GCNT1: variants seen among roughly 807,000 people sequenced by gnomAD.
The protein encoded by GCNT1 is glucosaminyl (N-acetyl) transferase 1, also known as beta-1,3-galactosyl-O-glycosyl-glycoprotein beta-1,6-N-acetylglucosaminyltransferase.
In GCNT1, 16 loss-of-function variants were observed where a neutral mutation model predicts 26.2. The observed-to-expected ratio is 0.61, with a 90% CI of 0.41 to 0.93. The LOEUF is 0.93. GCNT1 is among the 40% of genes least tolerant of loss of function. The pLI is 0.00. For missense variants in GCNT1, 477 were observed against 526.7 expected (o/e 0.91, Z 0.92); for synonymous variants, 183 against 190.8 (o/e 0.96, Z 0.34).
intron 1 of GCNT1, among the ~76,000 whole-genome samples, chr9:76,426,408 A>C (rs1205426922): frequency 1.3e-5 from 2 of 152,078 alleles, no homozygotes; most frequent in Non-Finnish European, 2.9e-5. Context: ...TCTTCGCAAA[A>C]AATACAAAAA....
the GCNT1 span, among the ~76,000 whole-genome samples, chr9:76,411,478 G>T: frequency 2.0e-5 from 3 of 151,356 alleles, no homozygotes; most frequent in African/African-American, 7.3e-5. Flanking sequence ...ACACATGTAT[G>T]CCACCATGCC....
chr9:76,494,693 A>G (rs945682083), intron 2 of GCNT1, among the ~76,000 whole-genome samples: 1 of 152,146 alleles, frequency 6.6e-6, no homozygotes, highest in East Asian at 1.9e-4. Context: ...AGTGGTTTTT[A>G]TAATAGGGAC....
chr9:76,451,134 C>G (rs967236505), intron 1 of GCNT1, among the ~76,000 whole-genome samples: 36 of 152,292 alleles, frequency 2.4e-4, no homozygotes, highest in African/African-American at 7.5e-4. Context: ...TCTTTTATGT[C>G]TTCCTCATGT....
At chr9:76,493,466 G>A (rs496253) in intron 2 of GCNT1, among the ~76,000 whole-genome samples, 67,596 of 151,840 alleles carry the variant, frequency 0.45, 15,360 homozygotes, top group East Asian at 0.66. Flanking sequence ...ATACCTATCA[G>A]GATCATCTGA....
At chr9:76,497,706 A>G (rs73650238) in intron 2 of GCNT1, among the ~76,000 whole-genome samples, 3 of 152,116 alleles carry the variant, frequency 2.0e-5, no homozygotes, top group Non-Finnish European at 1.5e-5. Flanking sequence ...TGACCCTTTC[A>G]TGTACCCACA....
chr9:76,410,682 T>C, the GCNT1 span, among the ~76,000 whole-genome samples: 18 of 152,202 alleles, frequency 1.2e-4, no homozygotes, highest in Non-Finnish European at 2.2e-4. Context: ...TCTTGTTCCA[T>C]TTGAGTCTGA....
chr9:76,440,923 G>A (rs1162230422), upstream of GCNT1, among the ~76,000 whole-genome samples: 1 of 151,732 alleles, frequency 6.6e-6, no homozygotes, highest in African/African-American at 2.4e-5. Flanking sequence ...AATTAGCTGG[G>A]CATGGTGGTG....
chr9:76,425,263 C>T (rs1357458932), intron 1 of GCNT1, among the ~76,000 whole-genome samples: 1 of 151,916 alleles, frequency 6.6e-6, no homozygotes, highest in East Asian at 1.9e-4. Context: ...ACTCTTGTTG[C>T]CCAGGCTGGA....
At chr9:76,484,463 C>T (rs1220830745) in intron 2 of GCNT1, among the ~76,000 whole-genome samples, 1 of 151,274 alleles carries the variant, frequency 6.6e-6, no homozygotes, top group Non-Finnish European at 1.5e-5. Context: ...TAAGTAATTT[C>T]TTGTGAAAAT....
intron 2 of GCNT1, among the ~76,000 whole-genome samples, chr9:76,488,502 G>T (rs369271369): frequency 6.6e-6 from 1 of 151,818 alleles, no homozygotes; most frequent in African/African-American, 2.4e-5. Flanking sequence ...CTCTATTTTT[G>T]GAGCTGGAGT....
chr9:76,497,574 C>T (rs891249660), intron 2 of GCNT1, among the ~76,000 whole-genome samples: 3 of 152,272 alleles, frequency 2.0e-5, no homozygotes, highest in Admixed American at 6.5e-5. Context: ...TTGTAAAAAG[C>T]GTTTTTCAAA....
intron 2 of GCNT1, among the ~76,000 whole-genome samples, chr9:76,489,177 G>A (rs1010337511): frequency 6.6e-6 from 1 of 152,166 alleles, no homozygotes; most frequent in East Asian, 1.9e-4. Context: ...TATCTAGAGA[G>A]CACATTTTTC....
intron 2 of GCNT1, among the ~76,000 whole-genome samples, chr9:76,475,116 C>T (rs1824223857): frequency 6.6e-6 from 1 of 152,162 alleles, no homozygotes; most frequent in Non-Finnish European, 1.5e-5. Context: ...CTTTGAATAC[C>T]ACATCATCTC....
At chr9:76,435,219 G>A (rs998050284) in intron 1 of GCNT1, among the ~76,000 whole-genome samples, 6 of 152,060 alleles carry the variant, frequency 3.9e-5, no homozygotes, top group Non-Finnish European at 8.8e-5. Context: ...ATGAAAATTT[G>A]CTGGTTTTGC....
intron 2 of GCNT1, among the ~76,000 whole-genome samples, chr9:76,491,607 T>TA (rs1326245437): frequency 6.6e-6 from 1 of 152,242 alleles, no homozygotes; most frequent in Non-Finnish European, 1.5e-5. Context: ...CAAGTACTGT[T>TA]ACATCACTAA....
chr9:76,456,151 A>G (rs1247833345), upstream of GCNT1, among the ~76,000 whole-genome samples: 1 of 152,176 alleles, frequency 6.6e-6, no homozygotes. Context: ...GACTTAGCAA[A>G]TCACATTTCC....
intron 2 of GCNT1, among the ~76,000 whole-genome samples, chr9:76,482,885 C>CA (rs926186045): frequency 1.3e-5 from 2 of 148,770 alleles, no homozygotes; most frequent in Non-Finnish European, 3.0e-5. Flanking sequence ...CTCCTGGACT[C>CA]AAGTGATCCT....
chr9:76,484,422 A>G (rs994346981), intron 2 of GCNT1, among the ~76,000 whole-genome samples: 5 of 152,164 alleles, frequency 3.3e-5, no homozygotes, highest in Non-Finnish European at 7.3e-5. Flanking sequence ...ACTTCTGTGA[A>G]AATAACAATG....
At chr9:76,489,283 C>T (rs953159649) in intron 2 of GCNT1, among the ~76,000 whole-genome samples, 1 of 152,310 alleles carries the variant, frequency 6.6e-6, no homozygotes, top group South Asian at 2.1e-4. Context: ...AAACCATAAT[C>T]ATAATGTGTC....
Sources: allele counts gnomAD v4.1 joint callset (sites outside exome capture counted in the v4.1 genomes callset), GRCh38; gene constraint gnomAD v4.1.1; transcripts MANE v1.5; gene names NCBI Gene and HGNC (gene_info 2026-07-23, HGNC 2026-07-21).